Variants in NLGN4X observed in about 807,000 individuals in gnomAD.
NLGN4X encodes neuroligin 4 X-linked, also known as neuroligin-4, X-linked.
Under a neutral mutation model 40.3 loss-of-function variants are expected in NLGN4X, and 3 were observed. The observed-to-expected ratio is 0.07, with a 90% CI of 0.03 to 0.19. The LOEUF is 0.19. NLGN4X is among the 10% of genes least tolerant of loss of function. NLGN4X has a pLI of 1.00. For synonymous variants in NLGN4X, 270 were observed against 306.8 expected (o/e 0.88, Z 1.25); for missense variants, 382 against 708.3 (o/e 0.54, Z 5.23).
intron 3 of NLGN4X, among the ~76,000 whole-genome samples, chrX:6,026,763 GCTCT>G (rs1362554535): frequency 9.0e-6 from 1 of 111,391 alleles, no homozygotes; most frequent in Non-Finnish European, 1.9e-5. Flanking sequence ...CAATTTTACA[GCTCT>G]CTGTTATCTT....
intron 1 of NLGN4X, among the ~76,000 whole-genome samples, chrX:6,214,108 T>C (rs949877213): frequency 3.6e-5 from 4 of 111,686 alleles, no homozygotes; most frequent in African/African-American, 1.3e-4. Context: ...TGACTGAAAA[T>C]ACTCCAGGTT....
At chrX:5,898,504 T>C (rs1335830296) in intron 5 of NLGN4X, among the ~76,000 whole-genome samples, 1 of 110,879 alleles carries the variant, frequency 9.0e-6, no homozygotes, top group Non-Finnish European at 1.9e-5. Context: ...TACTTTGAGA[T>C]GTCTATATAG....
chrX:5,919,644 C>T (rs2032951458), intron 3 of NLGN4X, among the ~76,000 whole-genome samples: 1 of 111,517 alleles, frequency 9.0e-6, no homozygotes, highest in African/African-American at 3.3e-5. Context: ...GCATTAGATT[C>T]TCATAGGAGT....
chrX:6,048,012 T>C (rs746981687), intron 2 of NLGN4X, among the ~76,000 whole-genome samples: 1 of 111,908 alleles, frequency 8.9e-6, no homozygotes, highest in East Asian at 2.8e-4. Flanking sequence ...TCATGGGTTC[T>C]GTTCTTGGTT....
At chrX:6,072,568 T>C (rs1048001854) in intron 2 of NLGN4X, among the ~76,000 whole-genome samples, 1 of 111,537 alleles carries the variant, frequency 9.0e-6, no homozygotes, top group African/African-American at 3.3e-5. Flanking sequence ...ATGCAAAAAT[T>C]ATAGATCTTA....
At chrX:6,184,492 A>C (rs948099173) in intron 1 of NLGN4X, among the ~76,000 whole-genome samples, 1 of 109,030 alleles carries the variant, frequency 9.2e-6, no homozygotes, top group Non-Finnish European at 1.9e-5. Context: ...AGTCAATGCT[A>C]AATAATTTAT....
At chrX:6,048,791 C>T (rs1484706638) in intron 2 of NLGN4X, among the ~76,000 whole-genome samples, 1 of 100,427 alleles carries the variant, frequency 1.0e-5, no homozygotes, top group Non-Finnish European at 2.0e-5. Flanking sequence ...GGGAGCTGAA[C>T]AATTGGAACA....
intron 2 of NLGN4X, among the ~76,000 whole-genome samples, chrX:6,056,424 G>A (rs754381014): frequency 2.5e-3 from 270 of 109,803 alleles, no homozygotes; most frequent in African/African-American, 8.3e-3. Flanking sequence ...TGTAGGGAGC[G>A]GGGATCGCGC....
chrX:6,191,976 T>C (rs1922582737), intron 1 of NLGN4X, among the ~76,000 whole-genome samples: 1 of 112,326 alleles, frequency 8.9e-6, no homozygotes, highest in African/African-American at 3.2e-5. Flanking sequence ...AATATTTTAA[T>C]TCTGGATCAG....
In NLGN4X at chrX:6,161,899, T is replaced by C. The variant is rs1465084059; in HGVS notation, c.-305-10128A>G. Among the ~76,000 whole-genome samples, 4 of 111,873 alleles carry C rather than the reference T, an allele frequency of 3.6e-5. No homozygotes were observed. The South Asian group carries it at 1.5e-3, about 41-fold the overall frequency. On this transcript the variant is annotated intron_variant, in intron 1 of 5. Coordinates refer to ENST00000381095, the MANE Select transcript of NLGN4X (RefSeq NM_181332.3). ...AACTTATTTTATCCATGTCATTTCA[T>C]GCATGTGCATATGAACATATATATT...
intron 3 of NLGN4X, among the ~76,000 whole-genome samples, chrX:5,936,066 G>C (rs1456228247): frequency 8.9e-6 from 1 of 112,147 alleles, no homozygotes; most frequent in Non-Finnish European, 1.9e-5. Flanking sequence ...TTTGTGCACA[G>C]AAGGATGTTC....
chrX:6,115,537 GA>G (rs1476931219), intron 2 of NLGN4X, among the ~76,000 whole-genome samples: 1 of 111,750 alleles, frequency 8.9e-6, no homozygotes, highest in Non-Finnish European at 1.9e-5. Flanking sequence ...TGAGGGACGA[GA>G]AGGTAAAGTT....
chrX:6,009,787 G>A (rs2036199866), intron 3 of NLGN4X, among the ~76,000 whole-genome samples: 1 of 112,302 alleles, frequency 8.9e-6, no homozygotes, highest in Non-Finnish European at 1.9e-5. Context: ...TGGTTGTCCA[G>A]GCCCGTGGGA....
chrX:5,969,120 C>G (rs1373635401), intron 3 of NLGN4X, among the ~76,000 whole-genome samples: 1 of 109,959 alleles, frequency 9.1e-6, no homozygotes, highest in African/African-American at 3.3e-5. Context: ...TGGGCAAGGA[C>G]TTCATGTCTA....
At chrX:5,941,180 G>GCGTGT (rs1569143828) in intron 3 of NLGN4X, among the ~76,000 whole-genome samples, 6 of 58,625 alleles carry the variant, frequency 1.0e-4, no homozygotes, top group African/African-American at 3.5e-4. Flanking sequence ...TATGCTAGGG[G>GCGTGT]GTGTGTGTGT....
chrX:6,148,577 G>A (rs754414218), intron 2 of NLGN4X, among the ~76,000 whole-genome samples: 3 of 110,470 alleles, frequency 2.7e-5, no homozygotes, highest in South Asian at 3.9e-4. Context: ...GTGCAATGGC[G>A]CGATTGTGGC....
intron 3 of NLGN4X, among the ~76,000 whole-genome samples, chrX:5,977,053 T>C (rs747481570): frequency 8.9e-6 from 1 of 112,629 alleles, no homozygotes; most frequent in Non-Finnish European, 1.9e-5. Context: ...TACTGGAGCA[T>C]TAAATTCATG....
At chrX:5,947,697 C>T (rs932986219) in intron 3 of NLGN4X, among the ~76,000 whole-genome samples, 12 of 111,899 alleles carry the variant, frequency 1.1e-4, no homozygotes, top group Admixed American at 1.0e-3. Context: ...AGATATATTA[C>T]GTGGATGTAA....
chrX:6,175,983 T>C (rs2040726004), intron 1 of NLGN4X, among the ~76,000 whole-genome samples: 1 of 111,228 alleles, frequency 9.0e-6, no homozygotes, highest in Non-Finnish European at 1.9e-5. Flanking sequence ...AGTCAGTGAT[T>C]TTTCATTAAA....
Sources: allele counts gnomAD v4.1 joint callset (sites outside exome capture counted in the v4.1 genomes callset), GRCh38; gene constraint gnomAD v4.1.1; transcripts MANE v1.5; gene names NCBI Gene and HGNC (gene_info 2026-07-23, HGNC 2026-07-21).